The following RBFOX1 variants were observed in gnomAD, a reference collection of about 807,000 sequenced individuals.
RBFOX1 encodes RNA binding fox-1 homolog 1, also known as RNA binding protein fox-1 homolog 1.
RBFOX1 carries 8 observed loss-of-function variants against 57.7 expected under a neutral mutation model. That is an observed-to-expected ratio of 0.14 (90% confidence interval 0.08 to 0.25). The LOEUF (loss-of-function observed/expected upper bound fraction) is 0.25, where lower values mean the gene tolerates loss of function less well. RBFOX1 is among the 10% of genes least tolerant of loss of function. The probability of loss-of-function intolerance (pLI) is 1.00; values close to 1 mark genes in which losing one functional copy is unlikely to be tolerated. For synonymous variants in RBFOX1, 326 were observed against 222.4 expected, an observed-to-expected ratio of 1.47 and a Z score of -4.15; for missense variants, 611 against 548.5, an observed-to-expected ratio of 1.11 and a Z score of -1.14.
chr16:7,413,829 G>C (rs138479620), intron 4 of RBFOX1, among the ~76,000 whole-genome samples: 1 of 152,138 alleles, frequency 6.6e-6, no homozygotes, highest in South Asian at 2.1e-4. Context: ...CCATGAACTT[G>C]GTTTCTACCC....
intron 2 of RBFOX1, among the ~76,000 whole-genome samples, chr16:6,447,653 C>T (rs1042232237): frequency 2.0e-5 from 3 of 152,108 alleles, no homozygotes; most frequent in African/African-American, 4.8e-5. Context: ...TATTTGTTTA[C>T]CCTTAAAGTT....
intron 1 of RBFOX1, among the ~76,000 whole-genome samples, chr16:5,448,771 T>A (rs1030303518): frequency 6.6e-6 from 1 of 152,204 alleles, no homozygotes; most frequent in Middle Eastern, 3.2e-3. Context: ...AGCAGATAGT[T>A]TTTTGAGCAC....
intron 1 of RBFOX1, among the ~76,000 whole-genome samples, chr16:5,386,644 C>A (rs186627004): frequency 6.6e-6 from 1 of 152,258 alleles, no homozygotes; most frequent in African/African-American, 2.4e-5. Flanking sequence ...AATGAATGCT[C>A]TTTTCACCTT....
At chr16:6,645,645 G>A (rs1209688944) in intron 2 of RBFOX1, among the ~76,000 whole-genome samples, 1 of 152,128 alleles carries the variant, frequency 6.6e-6, no homozygotes, top group Non-Finnish European at 1.5e-5. Flanking sequence ...AAAGAACCTA[G>A]AGGCCTTGGA....
At chr16:7,391,552 C>T (rs2098022630) in intron 4 of RBFOX1, among the ~76,000 whole-genome samples, 1 of 152,164 alleles carries the variant, frequency 6.6e-6, no homozygotes, top group African/African-American at 2.4e-5. Flanking sequence ...CTTCCTTGAC[C>T]TCACTGACTT....
intron 2 of RBFOX1, among the ~76,000 whole-genome samples, chr16:6,367,888 C>A (rs1211788661): frequency 6.6e-6 from 1 of 152,212 alleles, no homozygotes; most frequent in Non-Finnish European, 1.5e-5. Context: ...TCAACTCCTA[C>A]TGTGAAACTC....
intron 4 of RBFOX1, among the ~76,000 whole-genome samples, chr16:5,944,325 G>A (rs1236093164): frequency 2.6e-5 from 4 of 152,214 alleles, no homozygotes. Flanking sequence ...GGTTCTGAAC[G>A]AGCTTAGAGG....
intron 1 of RBFOX1, among the ~76,000 whole-genome samples, chr16:6,036,634 A>G (rs945937388): frequency 1.1e-4 from 16 of 152,120 alleles, no homozygotes; most frequent in Non-Finnish European, 7.4e-5. Context: ...ACTGGTGGGA[A>G]TGTTTTCCTT....
chr16:6,892,335 AG>A (rs1425128631), intron 3 of RBFOX1, among the ~76,000 whole-genome samples: 1 of 152,180 alleles, frequency 6.6e-6, no homozygotes, highest in Non-Finnish European at 1.5e-5. Flanking sequence ...TCATTTGAAA[AG>A]GGGGTTATTT....
chr16:6,206,292 T>C (rs1466684200), intron 1 of RBFOX1, among the ~76,000 whole-genome samples: 3 of 152,144 alleles, frequency 2.0e-5, no homozygotes, highest in Non-Finnish European at 4.4e-5. Flanking sequence ...TGGGCCGCTC[T>C]TTCCTGCTTA....
chr16:6,208,699 G>T (rs966900173), intron 1 of RBFOX1, among the ~76,000 whole-genome samples: 9 of 152,178 alleles, frequency 5.9e-5, no homozygotes, highest in African/African-American at 2.2e-4. Context: ...CTGCTTTAAA[G>T]AGTCAGAACC....
chr16:6,361,629 A>G (rs1025217059), intron 2 of RBFOX1, among the ~76,000 whole-genome samples: 10 of 129,026 alleles, frequency 7.8e-5, no homozygotes. Flanking sequence ...CTCTGTCTCT[A>G]AAAAAAAAAA....
chr16:5,845,186 T>G (rs2056724430), intron 3 of RBFOX1, among the ~76,000 whole-genome samples: 3 of 151,798 alleles, frequency 2.0e-5, no homozygotes, highest in South Asian at 2.1e-4. Context: ...GACAGCAAAA[T>G]TTTGCCATGG....
At chr16:7,219,461 C>G (rs989515612) in intron 4 of RBFOX1, among the ~76,000 whole-genome samples, 8 of 152,158 alleles carry the variant, frequency 5.3e-5, no homozygotes, top group Non-Finnish European at 8.8e-5. Context: ...CTGCTCCAAC[C>G]GTGTTCATTT....
intron 3 of RBFOX1, among the ~76,000 whole-genome samples, chr16:6,816,801 G>T (rs943607382): frequency 6.6e-6 from 1 of 151,706 alleles, no homozygotes; most frequent in Non-Finnish European, 1.5e-5. Flanking sequence ...TTGGACTGCA[G>T]TGATGCAATC....
chr16:7,623,547 G>A (rs1041280965), intron 10 of RBFOX1, among the ~76,000 whole-genome samples: 4 of 152,086 alleles, frequency 2.6e-5, no homozygotes, highest in Non-Finnish European at 5.9e-5. Flanking sequence ...TTATCTGACA[G>A]GAGGTGGAGC....
At chr16:5,480,706 T>G (rs2069510647) in intron 2 of RBFOX1, among the ~76,000 whole-genome samples, 1 of 152,176 alleles carries the variant, frequency 6.6e-6, no homozygotes, top group Admixed American at 6.5e-5. Context: ...AACACACTCT[T>G]TTGTGACTTG....
intron 1 of RBFOX1, among the ~76,000 whole-genome samples, chr16:6,143,063 A>C (rs1203685668): frequency 6.6e-6 from 1 of 152,210 alleles, no homozygotes; most frequent in Non-Finnish European, 1.5e-5. Context: ...GAGTTCATGA[A>C]ATAAATATTT....
intron 3 of RBFOX1, among the ~76,000 whole-genome samples, chr16:5,608,327 T>C (rs9934529): frequency 0.22 from 33,846 of 152,068 alleles, 3,901 homozygotes; most frequent in African/African-American, 0.25. Flanking sequence ...GCAGCAGCCG[T>C]CTGAGCAGTC....
Sources: gnomAD v4.1 joint callset for allele counts (sites outside exome capture counted in the v4.1 genomes callset) on GRCh38, gnomAD v4.1.1 for gene constraint, MANE v1.5 for transcripts, NCBI Gene and HGNC (gene_info 2026-07-23, HGNC 2026-07-21) for gene names.